Variants in DNER observed in about 807,000 individuals in gnomAD.
DNER encodes the protein delta/notch like EGF repeat containing.
In DNER, 33 loss-of-function variants were observed where a neutral mutation model predicts 78.2. The observed-to-expected ratio is 0.42, with a 90% CI of 0.32 to 0.56. DNER has a LOEUF of 0.56. Among genes scored for constraint, DNER ranks in the 20% least tolerant of loss-of-function variants. DNER has a pLI of 0.11. For synonymous variants in DNER, 417 were observed against 384.8 expected (o/e 1.08, Z -0.98); for missense variants, 918 against 975.3 (o/e 0.94, Z 0.78).
intron 1 of DNER, among the ~76,000 whole-genome samples, chr2:229,647,056 A>G (rs1698731595): frequency 6.6e-6 from 1 of 152,294 alleles, no homozygotes; most frequent in South Asian, 2.1e-4. Flanking sequence ...AGTCCCAGCT[A>G]CTTGGGAGGC....
At chr2:229,488,480 G>T (rs1387340814) in intron 6 of DNER, among the ~76,000 whole-genome samples, 1 of 152,228 alleles carries the variant, frequency 6.6e-6, no homozygotes, top group Non-Finnish European at 1.5e-5. Flanking sequence ...TGTGTGTTGT[G>T]TGTGCATTTG....
intron 6 of DNER, among the ~76,000 whole-genome samples, chr2:229,490,976 G>A (rs1695386453): frequency 6.6e-6 from 1 of 152,162 alleles, no homozygotes. Flanking sequence ...TCCTCCCTAT[G>A]TTTATTCTGC....
chr2:229,448,006 A>G (rs188339601), intron 7 of DNER, among the ~76,000 whole-genome samples: 24 of 152,264 alleles, frequency 1.6e-4, no homozygotes, highest in Admixed American at 6.5e-4. Flanking sequence ...AAAAATTAAA[A>G]CCATATCAAA....
intron 9 of DNER, among the ~76,000 whole-genome samples, chr2:229,412,620 G>A (rs1038031973): frequency 3.3e-5 from 5 of 152,196 alleles, no homozygotes; most frequent in Non-Finnish European, 7.3e-5. Flanking sequence ...ATTTCAGACA[G>A]TGGATACAGC....
At chr2:229,421,270 C>T (rs953748877) in intron 8 of DNER, among the ~76,000 whole-genome samples, 61 of 151,714 alleles carry the variant, frequency 4.0e-4, no homozygotes, top group African/African-American at 1.2e-3. Context: ...CCAGGGTCTG[C>T]GGAAGGGGAA....
In DNER at chr2:229,462,650, C is replaced by A. The variant is rs536321666; in HGVS notation, c.1261+14490G>T. Among the ~76,000 whole-genome samples, 9 of 152,200 alleles carry A rather than the reference C, an allele frequency of 5.9e-5. No individual in the cohort carries two copies. In the South Asian group the frequency reaches 1.9e-3, roughly 32 times the overall value. ...TATGAGATTCCCTGTCCATCTTACC[C>A]CTACAACCAATTCTCCAAACAGCAA... On this transcript the variant is annotated intron_variant, in intron 7 of 12. Coordinates refer to ENST00000341772, the MANE Select transcript of DNER (RefSeq NM_139072.4).
At chr2:229,653,586 T>C (rs1171659455) in intron 1 of DNER, among the ~76,000 whole-genome samples, 1 of 94,152 alleles carries the variant, frequency 1.1e-5, no homozygotes, top group Non-Finnish European at 2.2e-5. Context: ...CCAACACCAA[T>C]TTTTTTTTCT....
At chr2:229,656,567 C>T (rs1240537945) in intron 1 of DNER, among the ~76,000 whole-genome samples, 1 of 152,042 alleles carries the variant, frequency 6.6e-6, no homozygotes, top group Admixed American at 6.5e-5. Flanking sequence ...TGCAAGGGAA[C>T]CAGCATCTAG....
chr2:229,578,226 G>T (rs1328054168), intron 4 of DNER, among the ~76,000 whole-genome samples: 3 of 152,028 alleles, frequency 2.0e-5, no homozygotes, highest in African/African-American at 7.3e-5. Context: ...TCGGTCGCTC[G>T]CCCTGTCTCC....
chr2:229,656,278 G>A (rs1485728158), intron 1 of DNER, among the ~76,000 whole-genome samples: 1 of 152,168 alleles, frequency 6.6e-6, no homozygotes, highest in South Asian at 2.1e-4. Context: ...AAGAGACCTA[G>A]GCTGAATCCA....
intron 5 of DNER, among the ~76,000 whole-genome samples, chr2:229,546,190 T>C (rs1696622962): frequency 6.6e-6 from 1 of 152,198 alleles, no homozygotes; most frequent in African/African-American, 2.4e-5. Context: ...CAAATGCACC[T>C]GTTTTCTTCC....
Position 229,655,723 on chromosome 2 carries a change from A to T in DNER, c.276+58425T>A, listed in dbSNP as rs546907516. Among the ~76,000 whole-genome samples, 5 of 152,328 alleles carry T rather than the reference A, an allele frequency of 3.3e-5. No individual in the cohort carries two copies. In the East Asian group the frequency reaches 9.6e-4, roughly 29 times the overall value. On this transcript the variant is annotated intron_variant, in intron 1 of 12. Coordinates refer to ENST00000341772, the MANE Select transcript of DNER (RefSeq NM_139072.4). ...CCTGTTGGGAAAAGGGGGTCTTTGC[A>T]GATGTGACTAAATTAAGGATTTGCA...
chr2:229,705,569 T>C (rs940485579), intron 1 of DNER, among the ~76,000 whole-genome samples: 6 of 152,106 alleles, frequency 3.9e-5, no homozygotes, highest in African/African-American at 1.4e-4. Flanking sequence ...TCACAAACCA[T>C]GGAGCAGTCT....
At chr2:229,515,131 T>C (rs1371901210) in intron 5 of DNER, among the ~76,000 whole-genome samples, 1 of 152,250 alleles carries the variant, frequency 6.6e-6, no homozygotes, top group African/African-American at 2.4e-5. Flanking sequence ...ATTCTAGCAA[T>C]AAAATGAGGA....
chr2:229,488,939 C>G (rs1327481443), intron 6 of DNER, among the ~76,000 whole-genome samples: 2 of 152,238 alleles, frequency 1.3e-5, no homozygotes, highest in Admixed American at 6.5e-5. Context: ...TCCAAGCACA[C>G]TACCTATATC....
chr2:229,636,168 G>A (rs1015515113), intron 1 of DNER, among the ~76,000 whole-genome samples: 1 of 152,132 alleles, frequency 6.6e-6, no homozygotes, highest in African/African-American at 2.4e-5. Context: ...CGTACTCAGC[G>A]TTTTCCTGAC....
intron 4 of DNER, among the ~76,000 whole-genome samples, chr2:229,566,188 T>C (rs567113463): frequency 1.3e-5 from 2 of 152,110 alleles, no homozygotes; most frequent in Non-Finnish European, 2.9e-5. Context: ...TGAAAAGCTG[T>C]TGATTGACAT....
At chr2:229,552,691 G>A (rs1415512918) in intron 4 of DNER, among the ~76,000 whole-genome samples, 1 of 152,206 alleles carries the variant, frequency 6.6e-6, no homozygotes, top group African/African-American at 2.4e-5. Context: ...GGAACTGTGA[G>A]TCAGTTAAAT....
At position 229,452,620 on chromosome 2, in the gene DNER, T is replaced by TTTTA. The variant is rs531860504; in HGVS notation, c.1262-5084_1262-5081dup. 4.2e-4 allele frequency among the ~76,000 whole-genome samples: 64 copies of TTTTA among 152,018 alleles called. No homozygotes were observed. The South Asian group carries it at 5.6e-3, about 13-fold the overall frequency. Reference sequence around the variant, plus strand: ...TTGAGCCTTGTCTATTTTATTATTATTTTATTTATTTATTTATTTATTTTT... The same window carrying TTTTA: ...TTGAGCCTTGTCTATTTTATTATTATTTTATTTATTTATTTATTTATTTATTTTT... On this transcript the variant is annotated intron_variant, in intron 7 of 12. Coordinates refer to ENST00000341772, the MANE Select transcript of DNER (RefSeq NM_139072.4).
Sources: allele counts gnomAD v4.1 joint callset (sites outside exome capture counted in the v4.1 genomes callset), GRCh38; gene constraint gnomAD v4.1.1; transcripts MANE v1.5; gene names NCBI Gene and HGNC (gene_info 2026-07-23, HGNC 2026-07-21).